Variants in CERS1 observed in about 807,000 individuals in gnomAD.
CERS1 encodes Embryonic growth/differentiation factor 1.
Under a neutral mutation model 35.7 loss-of-function variants are expected in CERS1, and 16 were observed. The ratio of observed to expected loss-of-function variants is 0.45; its 90% confidence interval spans 0.30 to 0.68. The LOEUF (loss-of-function observed/expected upper bound fraction) is 0.68, where lower values mean the gene tolerates loss of function less well. Ranked by LOEUF, CERS1 falls within the 30% of genes least tolerant of loss-of-function variation. The pLI is 0.08. For synonymous variants in CERS1, 243 were observed against 201.6 expected, an observed-to-expected ratio of 1.21 and a Z score of -1.74; for missense variants, 454 against 453.9, an observed-to-expected ratio of 1.00 and a Z score of 0.00.
intron 1 of CERS1, 78 bp from the exon 2 acceptor site, chr19:18,893,653 C>A: frequency 2.1e-6 from 3 of 1,412,782 alleles, no homozygotes; most frequent in South Asian, 1.3e-5. Context: ...GAAACTGAGG[C>A]CCAGGGACTC....
Position 18,884,259 on chromosome 19 carries a change from GCGTC to G in CERS1, c.414_417del (p.Trp138CysfsTer156), listed in dbSNP as rs766289260. The G allele has an allele frequency of 6.2e-7, 1 of 1,611,946 alleles. No homozygotes were observed. The highest frequency in any genetic ancestry group is 2.2e-5 in the East Asian group (1 of 44,830). On this transcript the variant is annotated frameshift_variant, in exon 3 of 8. Transcript: ENST00000623882. LOFTEE classifies it high-confidence loss of function. ...ATGTCCCGTGGCACTGCCATGCCCG[GCGTC>G]CAGTCTGGGGAGAGCCAAATCTCAC...
chr19:18,876,536 TTGTGTG>T (rs60266196), intron 6 of CERS1, among the ~76,000 whole-genome samples: 6 of 143,180 alleles, frequency 4.2e-5, no homozygotes, highest in African/African-American at 7.8e-5. Flanking sequence ...TTTGATTGGG[TTGTGTG>T]TGTGTGTGTG....
rs1482164376 is a variant in CERS1 at position 18,878,296 on chromosome 19, C to T, written c.1010+634G>A. Reference sequence around the variant, plus strand: ...CCTCCGTTCATCCCTGGCCCAGACACCCCCTGCCTGCCCCAGGCCTGGGGC... The same window carrying T: ...CCTCCGTTCATCCCTGGCCCAGACATCCCCTGCCTGCCCCAGGCCTGGGGC... On this transcript the variant is annotated intron_variant, in intron 6 of 7. Transcript: ENST00000623882. This position sits in a 1 kb window ranked among gnomAD's most constrained non-coding sequence, Gnocchi z 4.6. 4 of 986,032 alleles carry T rather than the reference C, an allele frequency of 4.1e-6. No individual in the cohort carries two copies. In the South Asian group the frequency reaches 1.4e-4, roughly 35 times the overall value. The allele number at this position is 986,032 out of a possible 1,614,324, so 61.1% of individuals were successfully genotyped here.
intron 3 of CERS1, 121 bp downstream of exon 3, chr19:18,883,966 C>T: frequency 9.1e-7 from 1 of 1,099,384 alleles, no homozygotes; most frequent in Non-Finnish European, 1.3e-6. Context: ...ACCTTGGAAC[C>T]CTGAGCACTC....
chr19:18,871,291 A>G (rs1458085071), intron 6 of CERS1, among the ~76,000 whole-genome samples: 2 of 147,802 alleles, frequency 1.4e-5, no homozygotes, highest in East Asian at 4.0e-4. Context: ...TGGTGGCACA[A>G]TCTCAGCTCA....
At chr19:18,879,866 C>A (rs2056158708) in intron 4 of CERS1, among the ~76,000 whole-genome samples, 1 of 149,516 alleles carries the variant, frequency 6.7e-6, no homozygotes, top group South Asian at 2.1e-4. Context: ...TCTGCCAGGT[C>A]TTCCCCACCA....
intron 2 of CERS1, among the ~76,000 whole-genome samples, chr19:18,885,172 G>T (rs550037090): frequency 6.6e-6 from 1 of 152,220 alleles, no homozygotes; most frequent in East Asian, 1.9e-4. Context: ...AACTAATATA[G>T]ACACATTATT....
intron 6 of CERS1, among the ~76,000 whole-genome samples, chr19:18,872,597 C>T (rs1440399888): frequency 9.2e-5 from 14 of 152,062 alleles, no homozygotes; most frequent in Admixed American, 9.2e-4. Context: ...CTCACTGCAA[C>T]CTCTGCATCC....
chr19:18,876,567 TAG>T (rs1417812295), intron 6 of CERS1, among the ~76,000 whole-genome samples: 1 of 151,016 alleles, frequency 6.6e-6, no homozygotes, highest in East Asian at 2.0e-4. Context: ...TGTGTGTGTG[TAG>T]GAACTGCATA....
chr19:18,895,087 G>A lies in CERS1; in HGVS notation c.249+737C>T, dbSNP rs2056592668. On this transcript the variant is annotated intron_variant, in intron 1 of 7. Coordinates refer to ENST00000623882, the MANE Select transcript of CERS1 (RefSeq NM_021267.5). The surrounding 1 kb of genome is among the most constrained non-coding windows in gnomAD (Gnocchi z 6.4). Reference sequence around the variant, plus strand: ...CTGGGGAATTCTGCTGTCGCCTCTTGGAGGCAGCACAGTCCAACCCTGAAG... The same window carrying A: ...CTGGGGAATTCTGCTGTCGCCTCTTAGAGGCAGCACAGTCCAACCCTGAAG... Among the ~76,000 whole-genome samples, 1 of 152,230 alleles carries A rather than the reference G, an allele frequency of 6.6e-6. No individual in the cohort carries two copies.
chr19:18,886,589 A>C (rs1249882414), intron 2 of CERS1, among the ~76,000 whole-genome samples: 1 of 152,028 alleles, frequency 6.6e-6, no homozygotes, highest in Non-Finnish European at 1.5e-5. Context: ...ACAACAAAAA[A>C]AGGCGGGAAG....
At position 18,879,221 on chromosome 19, in the gene CERS1, G is replaced by A. The variant is rs1296690347; in HGVS notation, c.900+20C>T. On this transcript the variant is annotated intron_variant, in intron 5 of 7. Transcript: ENST00000623882. ...CGAGGACGGGACCGCCACTGTGGAG[G>A]AGAGCCGGGGCCGACTCACCAGGAA... 2.5e-6 allele frequency: 4 copies of A among 1,613,274 alleles called. No individual in the cohort carries two copies. The highest frequency in any genetic ancestry group is 3.4e-6 in the Non-Finnish European group (4 of 1,179,714).
At position 18,878,736 on chromosome 19, in the gene CERS1, C is replaced by T; in HGVS notation, c.1010+194G>A. ...CCTCCCCAGCCTCTCCCTCCCCTTC[C>T]TCACTGTCCTGTCCTTCAGGGTACT... On this transcript the variant is annotated intron_variant, in intron 6 of 7. Coordinates refer to ENST00000623882, the MANE Select transcript of CERS1 (RefSeq NM_021267.5). This position sits in a 1 kb window ranked among gnomAD's most constrained non-coding sequence, Gnocchi z 4.6. The T allele has an allele frequency of 2.2e-6, 3 of 1,393,682 alleles. No individual in the cohort carries two copies. Among genetic ancestry groups the T allele is most frequent in the Non-Finnish European group, 2.8e-6 (3 of 1,072,648 alleles). 86.3% of individuals were successfully genotyped at this position (1,393,682 alleles called of 1,614,324 possible). A position where few individuals can be genotyped will look rare whatever the true frequency, so the allele number is the denominator to read the frequency against.
intron 2 of CERS1, among the ~76,000 whole-genome samples, chr19:18,890,760 AAC>A (rs2056469010): frequency 6.7e-6 from 1 of 148,652 alleles, no homozygotes; most frequent in African/African-American, 2.5e-5. Flanking sequence ...CAGCCTGAGC[AAC>A]AGAGTAAGAC....
In CERS1 at chr19:18,870,268, G is replaced by A. The variant is rs1007855858; in HGVS notation, c.*309C>T. On this transcript the variant is annotated 3_prime_UTR_variant, in exon 7 of 8. Coordinates refer to ENST00000623882, the MANE Select transcript of CERS1 (RefSeq NM_021267.5). The surrounding 1 kb of genome is among the most constrained non-coding windows in gnomAD (Gnocchi z 5.1). ...GGCAGCAGCAGGGCCAGGAGGAGGA[G>A]GAGGTGGTGGCCGCAGGGACCTTGC... 9 of 1,550,192 alleles carry A rather than the reference G, an allele frequency of 5.8e-6. No individual in the cohort carries two copies. Among genetic ancestry groups the A allele is most frequent in the East Asian group, 2.4e-5 (1 of 41,746 alleles).
intron 3 of CERS1, chr19:18,883,256 T>A (rs1042672101): frequency 1.3e-5 from 2 of 152,226 alleles, no homozygotes; most frequent in African/African-American, 4.8e-5. Context: ...GTGTATTTCA[T>A]TTTAAAGTTT....
Position 18,871,994 on chromosome 19 carries a change from CAA to C in CERS1, c.1011-1377_1011-1376del, listed in dbSNP as rs1165502129. On this transcript the variant is annotated intron_variant, in intron 6 of 7. Coordinates refer to ENST00000623882, the MANE Select transcript of CERS1 (RefSeq NM_021267.5). ...GGTTTGCCCTAAGGCTTATGGGAAA[CAA>C]AGACACACCCTCACTGTGTTTTCCA... 2.0e-5 allele frequency among the ~76,000 whole-genome samples: 3 copies of C among 152,212 alleles called. No homozygotes were observed. In the East Asian group the frequency reaches 5.8e-4, roughly 29 times the overall value.
chr19:18,888,944 TGCAGTA>T (rs2056429539), intron 2 of CERS1, among the ~76,000 whole-genome samples: 1 of 144,448 alleles, frequency 6.9e-6, no homozygotes, highest in Non-Finnish European at 1.5e-5. Flanking sequence ...TAGGCTGGAG[TGCAGTA>T]GCATGATCTC....
intron 4 of CERS1, 67 bp from the exon 5 acceptor site, chr19:18,879,455 T>TC: frequency 6.5e-7 from 1 of 1,527,226 alleles, no homozygotes; most frequent in African/African-American, 1.4e-5. Context: ...CCCTGTCCTA[T>TC]CCCGTCCTAG....
Sources: gnomAD v4.1 joint callset for allele counts (sites outside exome capture counted in the v4.1 genomes callset) on GRCh38, gnomAD v4.1.1 for gene constraint, Gnocchi (gnomAD v3.1) non-coding constraint, MANE v1.5 for transcripts, NCBI Gene and HGNC (gene_info 2026-07-23, HGNC 2026-07-21) for gene names.